Variants in E2F3 observed in about 807,000 individuals in gnomAD.
E2F3 encodes E2F transcription factor 3, also known as transcription factor E2F3.
E2F3 carries 11 observed loss-of-function variants against 44.4 expected under a neutral mutation model. The ratio of observed to expected loss-of-function variants is 0.25; its 90% CI spans 0.16 to 0.41. The LOEUF (loss-of-function observed/expected upper bound fraction) is 0.41, where lower values mean the gene tolerates loss of function less well. Ranked by LOEUF, E2F3 falls within the 10% of genes least tolerant of loss-of-function variation. The probability of loss-of-function intolerance (pLI) is 1.00; values close to 1 mark genes in which losing one functional copy is unlikely to be tolerated. For synonymous variants in E2F3, 249 were observed against 253.0 expected, an observed-to-expected ratio of 0.98 and a Z score of 0.15; for missense variants, 487 against 583.6, an observed-to-expected ratio of 0.83 and a Z score of 1.70.
At chr6:20,416,515 A>C (rs1759851254) in intron 1 of E2F3, among the ~76,000 whole-genome samples, 1 of 152,072 alleles carries the variant, frequency 6.6e-6, no homozygotes, top group Non-Finnish European at 1.5e-5. Context: ...TTTATTTTTT[A>C]AATGGTTCTA....
At chr6:20,444,115 G>A (rs1760861895) in intron 1 of E2F3, among the ~76,000 whole-genome samples, 2 of 152,174 alleles carry the variant, frequency 1.3e-5, no homozygotes, top group Non-Finnish European at 2.9e-5. Context: ...GCTGAGCCCA[G>A]GAGGCAGAGG....
chr6:20,405,927 G>A (rs181560174), intron 1 of E2F3, among the ~76,000 whole-genome samples: 7 of 152,238 alleles, frequency 4.6e-5, no homozygotes, highest in Admixed American at 2.6e-4. Flanking sequence ...TTTTCTTATC[G>A]AAATTATATT....
Position 20,445,397 on chromosome 6 carries a change from G to A in E2F3, c.394-34449G>A, listed in dbSNP as rs1760909412. Among the ~76,000 whole-genome samples the A allele has an allele frequency of 1.3e-5, 2 of 152,020 alleles. 1 individual carries two copies. The highest frequency in any genetic ancestry group is 4.1e-4 in the South Asian group (2 of 4,822). On this transcript the variant is annotated intron_variant, in intron 1 of 6. Coordinates refer to ENST00000346618, the MANE Select transcript of E2F3 (RefSeq NM_001949.5). ...TGGGATTACAGGCCCGTGCCACCAA[G>A]CCCAGCTAATTTTTGTAGTTTCAGT...
At chr6:20,412,984 A>G (rs1214819154) in intron 1 of E2F3, among the ~76,000 whole-genome samples, 1 of 152,214 alleles carries the variant, frequency 6.6e-6, no homozygotes, top group Non-Finnish European at 1.5e-5. Flanking sequence ...CCACATAACA[A>G]CCTATGAAGT....
At chr6:20,425,447 G>A (rs183646541) in intron 1 of E2F3, among the ~76,000 whole-genome samples, 241 of 150,520 alleles carry the variant, frequency 1.6e-3, no homozygotes, top group Non-Finnish European at 2.2e-3. Context: ...GGAGTGCAGT[G>A]GCACGATCTT....
rs190302578 is a variant in E2F3, at chr6:20,458,305, G to A, written c.394-21541G>A. Among the ~76,000 whole-genome samples, 8 of 152,186 alleles carry A rather than the reference G, an allele frequency of 5.3e-5. No individual in the cohort carries two copies. In the East Asian group the frequency reaches 7.7e-4, roughly 15 times the overall value. On this transcript the variant is annotated intron_variant, in intron 1 of 6. Coordinates refer to ENST00000346618, the MANE Select transcript of E2F3 (RefSeq NM_001949.5). ...CTTTTTCTACTTTCATGGTTGTGTC[G>A]TTTTGCCGGGGAGATTTTGAAAGAG...
intron 1 of E2F3, among the ~76,000 whole-genome samples, chr6:20,452,063 C>T (rs1761149320): frequency 6.6e-6 from 1 of 152,194 alleles, no homozygotes; most frequent in African/African-American, 2.4e-5. Flanking sequence ...ATGCTAGCCT[C>T]ATAGAATGAG....
At chr6:20,416,140 C>T (rs1003471948) in intron 1 of E2F3, among the ~76,000 whole-genome samples, 1 of 152,216 alleles carries the variant, frequency 6.6e-6, no homozygotes, top group East Asian at 1.9e-4. Context: ...ATGTGCTAAA[C>T]ACTCTGACAT....
At chr6:20,428,366 G>T (rs1760285030) in intron 1 of E2F3, among the ~76,000 whole-genome samples, 1 of 152,130 alleles carries the variant, frequency 6.6e-6, no homozygotes, top group African/African-American at 2.4e-5. Context: ...GGGATTATAG[G>T]CATATGCCAC....
chr6:20,457,690 G>A (rs908507258), intron 1 of E2F3, among the ~76,000 whole-genome samples: 5 of 152,168 alleles, frequency 3.3e-5, no homozygotes, highest in South Asian at 2.1e-4. Context: ...TGTTCTGCAC[G>A]AGCTAAAATT....
At chr6:20,460,187 T>TTTTG (rs1302228606) in intron 1 of E2F3, among the ~76,000 whole-genome samples, 1 of 152,232 alleles carries the variant, frequency 6.6e-6, no homozygotes, top group Non-Finnish European at 1.5e-5. Flanking sequence ...CCCTAGACTT[T>TTTTG]TTTGTTTGTT....
intron 1 of E2F3, among the ~76,000 whole-genome samples, chr6:20,425,845 C>T (rs574516182): frequency 3.9e-5 from 6 of 152,252 alleles, no homozygotes; most frequent in African/African-American, 1.4e-4. Context: ...CAGTTTGAGC[C>T]CTCCCTTCCC....
intron 1 of E2F3, among the ~76,000 whole-genome samples, chr6:20,463,492 A>G (rs1761596154): frequency 6.6e-6 from 1 of 152,154 alleles, no homozygotes; most frequent in Non-Finnish European, 1.5e-5. Context: ...ACATCATTTT[A>G]TTCTGTTTGA....
intron 1 of E2F3, among the ~76,000 whole-genome samples, chr6:20,474,183 T>C (rs1048597546): frequency 6.6e-6 from 1 of 152,074 alleles, no homozygotes; most frequent in African/African-American, 2.4e-5. Context: ...GTGATCCTCT[T>C]GCCTCAGTCT....
At chr6:20,486,318 G>C (rs1188312537) in intron 4 of E2F3, among the ~76,000 whole-genome samples, 1 of 152,184 alleles carries the variant, frequency 6.6e-6, no homozygotes, top group Non-Finnish European at 1.5e-5. Context: ...TGTCGCCCAG[G>C]CTGGAGTGCA....
chr6:20,490,598 T>C lies in E2F3; in HGVS notation c.*168T>C, dbSNP rs4134983. The stretch of plus-strand genomic sequence containing the variant: ...ACATTTTAATGAATTTTTTAAAAAA[T>C]TAATAAACAAATTGTCTAAACGCAC... On this transcript the variant is annotated 3_prime_UTR_variant, in exon 7 of 7. Transcript: ENST00000346618. The surrounding 1 kb of genome is among the most constrained non-coding windows in gnomAD (Gnocchi z 4.3). 0.011 allele frequency: 7,595 copies of C among 715,554 alleles called. 61 individuals are homozygous for C. The highest frequency in any genetic ancestry group is 0.038 in the South Asian group (1,008 of 26,194). 44.3% of individuals were successfully genotyped at this position (715,554 alleles called of 1,614,324 possible).
intron 1 of E2F3, among the ~76,000 whole-genome samples, chr6:20,445,325 C>T (rs1370285554): frequency 1.3e-5 from 2 of 151,894 alleles, no homozygotes; most frequent in Non-Finnish European, 2.9e-5. Flanking sequence ...TTGCAACCTC[C>T]GCCTCCCGGG....
intron 1 of E2F3, among the ~76,000 whole-genome samples, chr6:20,410,094 T>C (rs78750119): frequency 0.011 from 1,642 of 152,284 alleles, 41 homozygotes; most frequent in African/African-American, 0.038. Context: ...ACTCTGAGAA[T>C]GATGGGCAGT....
intron 1 of E2F3, among the ~76,000 whole-genome samples, chr6:20,410,528 G>T (rs138030601): frequency 6.6e-6 from 1 of 152,218 alleles, no homozygotes; most frequent in African/African-American, 2.4e-5. Context: ...TGTCTGGCAC[G>T]TAGGAAGGAT....
Sources: allele counts gnomAD v4.1 joint callset (sites outside exome capture counted in the v4.1 genomes callset), GRCh38; gene constraint gnomAD v4.1.1; non-coding constraint Gnocchi (gnomAD v3.1); transcripts MANE v1.5; gene names NCBI Gene and HGNC (gene_info 2026-07-23, HGNC 2026-07-21).